The following AKT3 variants were observed in gnomAD, a reference collection of about 807,000 sequenced individuals.
AKT3 encodes the protein RAC-gamma serine/threonine-protein kinase.
In AKT3, 15 loss-of-function variants were observed where a neutral mutation model predicts 65.3. The ratio of observed to expected loss-of-function variants is 0.23; its 90% confidence interval spans 0.15 to 0.35. The LOEUF (loss-of-function observed/expected upper bound fraction) is 0.35. Among genes scored for constraint, AKT3 ranks in the 10% least tolerant of loss-of-function variants. The pLI is 1.00. For synonymous variants in AKT3, 206 were observed against 183.8 expected, an observed-to-expected ratio of 1.12 and a Z score of -0.98; for missense variants, 243 against 576.5, an observed-to-expected ratio of 0.42 and a Z score of 5.92.
intron 8 of AKT3, 100 bp from the exon 9 acceptor site, chr1:243,573,148 T>C (rs556187546): frequency 2.2e-6 from 3 of 1,354,274 alleles, no homozygotes; most frequent in Middle Eastern, 2.2e-4. Flanking sequence ...ATTGTGATGA[T>C]AGATAGTGTA....
intron 2 of AKT3, among the ~76,000 whole-genome samples, chr1:243,730,554 G>A (rs1387737192): frequency 6.6e-6 from 1 of 152,200 alleles, no homozygotes; most frequent in African/African-American, 2.4e-5. Flanking sequence ...CCAAGCCAGG[G>A]CTGTAACACT....
At position 243,696,805 on chromosome 1, in the gene AKT3, C is replaced by T. The variant is rs1055346732; in HGVS notation, c.47-1089G>A. Reference sequence around the variant, plus strand: ...CTCTTCTGTTAATACTGTTTTTCCCCACTCTACACATTCCCCACTTCCATC... The same window carrying T: ...CTCTTCTGTTAATACTGTTTTTCCCTACTCTACACATTCCCCACTTCCATC... On this transcript the variant is annotated intron_variant, in intron 2 of 13. Transcript: ENST00000673466. 2.6e-5 allele frequency among the ~76,000 whole-genome samples: 4 copies of T among 152,064 alleles called. No individual in the cohort carries two copies. In the East Asian group the frequency reaches 7.7e-4, roughly 29 times the overall value.
rs776045824 is a variant in AKT3, at chr1:243,488,978, T to C, written c.*7-528A>G. On this transcript the variant is annotated intron_variant, in intron 13 of 13. Coordinates refer to the AKT3 transcript ENST00000336199. ...CCTGGGCCTGTTGAAAGGCTGACGT[T>C]ATCCCTCTTTAATTCTGCGGTGGAT... 77 of 1,612,854 alleles carry C rather than the reference T, an allele frequency of 4.8e-5. No homozygotes were observed. The Admixed American group carries it at 1.2e-3, about 26-fold the overall frequency.
chr1:243,623,157 C>T (rs181483292), intron 6 of AKT3, among the ~76,000 whole-genome samples: 1 of 152,266 alleles, frequency 6.6e-6, no homozygotes, highest in African/African-American at 2.4e-5. Flanking sequence ...ATGCAAACAA[C>T]AGGATGCATG....
chr1:243,758,523 G>A (rs1689284077), intron 2 of AKT3, among the ~76,000 whole-genome samples: 1 of 152,152 alleles, frequency 6.6e-6, no homozygotes. Flanking sequence ...GTAATGAGGA[G>A]CCAGATCATC....
intron 2 of AKT3, among the ~76,000 whole-genome samples, chr1:243,819,972 G>A (rs1410913989): frequency 6.6e-6 from 1 of 152,192 alleles, no homozygotes; most frequent in East Asian, 1.9e-4. Flanking sequence ...AGGCTGGAGT[G>A]CAGTGGCACG....
chr1:243,718,319 C>T (rs1686640679), intron 2 of AKT3, among the ~76,000 whole-genome samples: 1 of 152,130 alleles, frequency 6.6e-6, no homozygotes, highest in African/African-American at 2.4e-5. Flanking sequence ...TCGTTACTTA[C>T]ATAGGAGATG....
intron 5 of AKT3, among the ~76,000 whole-genome samples, chr1:243,643,971 T>G (rs1680625868): frequency 6.6e-6 from 1 of 152,232 alleles, no homozygotes; most frequent in Non-Finnish European, 1.5e-5. Flanking sequence ...GGCTAAGTCA[T>G]TAGGACCGTT....
In AKT3 at chr1:243,642,501, G is replaced by A. The variant is rs540484096; in HGVS notation, c.429+3392C>T. 3.3e-5 allele frequency among the ~76,000 whole-genome samples: 5 copies of A among 151,996 alleles called. No individual in the cohort carries two copies. The East Asian group carries it at 5.8e-4, about 18-fold the overall frequency. ...ATTTTTTGTATTTTTAGTAGAGACG[G>A]GGTTTCACCGTGTTAGCCAGGATGG... On this transcript the variant is annotated intron_variant, in intron 5 of 13. Transcript: ENST00000673466.
chr1:243,595,650 C>A (rs1009780996), intron 8 of AKT3, among the ~76,000 whole-genome samples: 1 of 152,122 alleles, frequency 6.6e-6, no homozygotes, highest in African/African-American at 2.4e-5. Flanking sequence ...GAAAACACAG[C>A]ATATACGTTA....
rs1689621058 is a variant in AKT3 at position 243,763,408 on chromosome 1, T to A, written c.47-67692A>T. ...AATGAATGAGAAGCTAGTGCTTTAC[T>A]GTGAATCACTTGGAAGTTCACCTTA... On this transcript the variant is annotated intron_variant, in intron 2 of 13. Transcript: ENST00000673466. Among the ~76,000 whole-genome samples the A allele has an allele frequency of 2.0e-5, 3 of 152,098 alleles. No homozygotes were observed. In the South Asian group the frequency reaches 6.2e-4, roughly 31 times the overall value.
At chr1:243,562,738 C>T (rs1322090323) in intron 10 of AKT3, among the ~76,000 whole-genome samples, 3 of 152,080 alleles carry the variant, frequency 2.0e-5, no homozygotes, top group South Asian at 4.1e-4. Context: ...GCAGAACTGT[C>T]GGACATGTGA....
At chr1:243,713,842 G>A (rs1443313550) in intron 2 of AKT3, among the ~76,000 whole-genome samples, 3 of 150,894 alleles carry the variant, frequency 2.0e-5, no homozygotes, top group Non-Finnish European at 2.9e-5. Flanking sequence ...AGCTGCAAAC[G>A]GGCAGACACA....
In AKT3 at chr1:243,510,615, G is replaced by A. The variant is rs544116841; in HGVS notation, c.1354+1709C>T. Among the ~76,000 whole-genome samples, 106 of 152,274 alleles carry A rather than the reference G, an allele frequency of 7.0e-4. 1 individual carries two copies. The highest frequency in any genetic ancestry group is 2.5e-3 in the African/African-American group (103 of 41,554). ...TCCAGGCCTGGACACCATAAATACTGTCCCCAGAGCCCGAGGCATGGTGAC... is the reference window on the plus strand; with the variant it reads ...TCCAGGCCTGGACACCATAAATACTATCCCCAGAGCCCGAGGCATGGTGAC... On this transcript the variant is annotated intron_variant, in intron 13 of 13. Transcript: ENST00000673466.
chr1:243,739,238 T>C (rs942969248), intron 2 of AKT3, among the ~76,000 whole-genome samples: 14 of 152,184 alleles, frequency 9.2e-5, no homozygotes, highest in African/African-American at 3.4e-4. Flanking sequence ...CTGAATAATA[T>C]ATTTAACCAA....
chr1:243,783,017 T>G (rs1691009825), intron 2 of AKT3, among the ~76,000 whole-genome samples: 2 of 152,202 alleles, frequency 1.3e-5, no homozygotes, highest in South Asian at 4.1e-4. Flanking sequence ...CCTAAAGCTC[T>G]TCCCGCTTCC....
chr1:243,600,586 A>G (rs186608007), intron 8 of AKT3, among the ~76,000 whole-genome samples: 1 of 152,266 alleles, frequency 6.6e-6, no homozygotes, highest in East Asian at 1.9e-4. Flanking sequence ...AATATGCTGG[A>G]ACAGTTAGAT....
downstream of AKT3, among the ~76,000 whole-genome samples, chr1:243,498,227 A>ACAATCAAT (rs111264775): frequency 5.3e-5 from 8 of 152,112 alleles, no homozygotes; most frequent in African/African-American, 1.9e-4. Context: ...CCTGCGTTTG[A>ACAATCAAT]CAATCAGATC....
At position 243,850,103 on chromosome 1, in the gene AKT3, C is replaced by A; in HGVS notation, c.-176G>T. On this transcript the variant is annotated 5_prime_UTR_variant, in exon 1 of 14. Transcript: ENST00000673466. The stretch of plus-strand genomic sequence containing the variant: ...CTCGGGCGGCGGCGGAGGATGGAGC[C>A]GGGGGGGGGCGGGGGGAGGAGAGGG... The A allele has an allele frequency of 1.4e-5, 1 of 70,516 alleles. No individual in the cohort carries two copies. 4.4% of individuals were successfully genotyped at this position (70,516 alleles called of 1,614,324 possible).
Sources: allele counts gnomAD v4.1 joint callset (sites outside exome capture counted in the v4.1 genomes callset), GRCh38; gene constraint gnomAD v4.1.1; transcripts MANE v1.5; gene names NCBI Gene and HGNC (gene_info 2026-07-23, HGNC 2026-07-21).